The following KANSL1 variants were observed in gnomAD, a reference collection of about 807,000 sequenced individuals.
KANSL1 encodes MLL1/MLL complex subunit KANSL1.
Under a neutral mutation model 103.6 loss-of-function variants are expected in KANSL1, and 22 were observed. The ratio of observed to expected loss-of-function variants is 0.21; its 90% CI spans 0.15 to 0.30. KANSL1 has a LOEUF of 0.30. Ranked by LOEUF, KANSL1 falls within the 10% of genes least tolerant of loss-of-function variation. The pLI is 1.00. For synonymous variants in KANSL1, 600 were observed against 527.6 expected (o/e 1.14, Z -1.88); for missense variants, 1,337 against 1,399.8 (o/e 0.96, Z 0.72).
chr17:46,166,136 C>A (rs1597856292), intron 2 of KANSL1, among the ~76,000 whole-genome samples: 1 of 150,514 alleles, frequency 6.6e-6, no homozygotes, highest in South Asian at 2.1e-4. Flanking sequence ...TTGCTTGAGC[C>A]TGGGAGGTGG....
intron 2 of KANSL1, among the ~76,000 whole-genome samples, chr17:46,116,407 G>A (rs1211207380): frequency 2.0e-5 from 3 of 152,162 alleles, no homozygotes; most frequent in Non-Finnish European, 4.4e-5. Context: ...GTGCGTGCCT[G>A]TACTCCCATC....
chr17:46,155,765 A>AAG (rs1454920038), intron 2 of KANSL1, among the ~76,000 whole-genome samples: 4 of 152,216 alleles, frequency 2.6e-5, no homozygotes, highest in Non-Finnish European at 4.4e-5. Context: ...TAAAAAAAAA[A>AAG]ACTATTTAAA....
upstream of KANSL1, among the ~76,000 whole-genome samples, chr17:46,223,961 CAT>C: frequency 6.6e-6 from 1 of 150,940 alleles, no homozygotes; most frequent in Non-Finnish European, 1.5e-5. Flanking sequence ...TGTGTGTCTC[CAT>C]ATATATGTGT....
chr17:46,137,708 A>T (rs921245750), intron 2 of KANSL1, among the ~76,000 whole-genome samples: 3 of 151,724 alleles, frequency 2.0e-5, no homozygotes, highest in Non-Finnish European at 2.9e-5. Flanking sequence ...CTAAAAAAAA[A>T]TACAAAAAAT....
At chr17:46,188,485 A>G (rs745468303) in intron 1 of KANSL1, among the ~76,000 whole-genome samples, 20 of 152,248 alleles carry the variant, frequency 1.3e-4, no homozygotes, top group Non-Finnish European at 1.8e-4. Flanking sequence ...GACTTCCAAG[A>G]AACAGTTATG....
intron 2 of KANSL1, among the ~76,000 whole-genome samples, chr17:46,124,613 T>C (rs947681362): frequency 4.6e-5 from 7 of 152,176 alleles, no homozygotes; most frequent in African/African-American, 1.7e-4. Flanking sequence ...GCAAAGTAAA[T>C]TGAAAATTAT....
At chr17:46,074,175 T>C (rs561843072) in intron 4 of KANSL1, among the ~76,000 whole-genome samples, 1 of 152,240 alleles carries the variant, frequency 6.6e-6, no homozygotes, top group South Asian at 2.1e-4. Context: ...CTGGAACATC[T>C]AGTATTAGAA....
intron 1 of KANSL1, among the ~76,000 whole-genome samples, chr17:46,215,448 G>T (rs2048309875): frequency 6.6e-6 from 1 of 152,226 alleles, no homozygotes; most frequent in Admixed American, 6.5e-5. Context: ...ATTTTACAAG[G>T]ATCATGTTGG....
chr17:46,065,603 T>C (rs959496795), intron 6 of KANSL1, among the ~76,000 whole-genome samples: 3 of 152,104 alleles, frequency 2.0e-5, no homozygotes, highest in African/African-American at 7.2e-5. Flanking sequence ...GAAGTCAGGG[T>C]GGTTAACATG....
At chr17:46,062,094 AAAAAAAAAAAAAAAACAAACAAAC>A (rs1378898548) in intron 6 of KANSL1, among the ~76,000 whole-genome samples, 173 of 59,120 alleles carry the variant, frequency 2.9e-3, no homozygotes, top group African/African-American at 9.0e-3. Flanking sequence ...TCCGACTCAA[AAAAAAAAAAAAAAAACAAACAAAC>A]AAAAAAAAAA....
At chr17:46,158,794 G>A (rs1296876566) in intron 2 of KANSL1, among the ~76,000 whole-genome samples, 3 of 152,194 alleles carry the variant, frequency 2.0e-5, no homozygotes, top group African/African-American at 4.8e-5. Flanking sequence ...GCCTGCCTTG[G>A]CCTCACAAAG....
chr17:46,147,701 A>T (rs1313135667), intron 2 of KANSL1, among the ~76,000 whole-genome samples: 1 of 152,202 alleles, frequency 6.6e-6, no homozygotes, highest in Non-Finnish European at 1.5e-5. Flanking sequence ...AATATTTCAA[A>T]ATGTTTATAA....
At chr17:46,132,900 A>T (rs531564753) in intron 2 of KANSL1, among the ~76,000 whole-genome samples, 1 of 152,318 alleles carries the variant, frequency 6.6e-6, no homozygotes, top group East Asian at 1.9e-4. Flanking sequence ...CCATCATCAT[A>T]CCACTGGACT....
chr17:46,219,799 C>T (rs1438856719), intron 1 of KANSL1, among the ~76,000 whole-genome samples: 1 of 152,240 alleles, frequency 6.6e-6, no homozygotes, highest in African/African-American at 2.4e-5. Flanking sequence ...TCCCCTCAAC[C>T]ACTGTTCAAG....
chr17:46,212,314 TG>T (rs1817084883), intron 1 of KANSL1, among the ~76,000 whole-genome samples: 1 of 151,992 alleles, frequency 6.6e-6, no homozygotes, highest in South Asian at 2.1e-4. Context: ...TCCAACTCCC[TG>T]GTCCAAGCAA....
intron 2 of KANSL1, among the ~76,000 whole-genome samples, chr17:46,106,400 G>A (rs1163808905): frequency 6.6e-6 from 1 of 151,984 alleles, no homozygotes; most frequent in African/African-American, 2.4e-5. Flanking sequence ...TTTTTGTTTT[G>A]TTTTGTTTTT....
chr17:46,168,315 T>C (rs2046107949), intron 2 of KANSL1, among the ~76,000 whole-genome samples: 1 of 152,240 alleles, frequency 6.6e-6, no homozygotes, highest in Admixed American at 6.5e-5. Flanking sequence ...AACTTTAAAG[T>C]ATTTATGCTT....
chr17:46,038,953 GA>G, intron 9 of KANSL1, 73 bp downstream of exon 9: 1 of 1,538,106 alleles, frequency 6.5e-7, no homozygotes, highest in South Asian at 1.2e-5. Flanking sequence ...GGGTAATTAA[GA>G]GAAGCCTAGG....
At chr17:46,095,487 A>C (rs1230972149) in intron 2 of KANSL1, among the ~76,000 whole-genome samples, 2 of 152,246 alleles carry the variant, frequency 1.3e-5, no homozygotes, top group African/African-American at 4.8e-5. Flanking sequence ...ATTTTTAAAA[A>C]ATCAGATCAG....
Sources: allele counts gnomAD v4.1 joint callset (sites outside exome capture counted in the v4.1 genomes callset), GRCh38; gene constraint gnomAD v4.1.1; transcripts MANE v1.5; gene names NCBI Gene and HGNC (gene_info 2026-07-23, HGNC 2026-07-21).